ATP6V1G3: variants seen among roughly 807,000 people sequenced by gnomAD.
ATP6V1G3 encodes the protein V-type proton ATPase subunit G 3.
Under a neutral mutation model 9.3 loss-of-function variants are expected in ATP6V1G3, and 9 were observed. The ratio of observed to expected loss-of-function variants is 0.97; its 90% confidence interval spans 0.59 to 1.69. The LOEUF (loss-of-function observed/expected upper bound fraction) is 1.69. ATP6V1G3 is among the 40% of genes most tolerant of loss of function. The probability of loss-of-function intolerance (pLI) is 0.00; values close to 1 mark genes in which losing one functional copy is unlikely to be tolerated. For missense variants in ATP6V1G3, 133 were observed against 139.0 expected (o/e 0.96, Z 0.22); for synonymous variants, 43 against 43.8 (o/e 0.98, Z 0.07).
chr1:198,527,383 C>T (rs1354057359), intron 2 of ATP6V1G3, among the ~76,000 whole-genome samples: 1 of 151,896 alleles, frequency 6.6e-6, no homozygotes, highest in Non-Finnish European at 1.5e-5. Flanking sequence ...AATTATTAAC[C>T]AAAGCAGAAA....
intron 2 of ATP6V1G3, among the ~76,000 whole-genome samples, chr1:198,528,657 C>G (rs1442135701): frequency 6.6e-6 from 1 of 151,976 alleles, no homozygotes; most frequent in African/African-American, 2.4e-5. Flanking sequence ...GCAACAATAT[C>G]TACTTTGGTC....
chr1:198,535,302 T>G (rs569927024), intron 1 of ATP6V1G3, among the ~76,000 whole-genome samples: 3 of 152,262 alleles, frequency 2.0e-5, no homozygotes, highest in African/African-American at 7.2e-5. Flanking sequence ...TTTATTAGTT[T>G]ATTAAAAGTC....
intron 1 of ATP6V1G3, among the ~76,000 whole-genome samples, chr1:198,532,670 A>C (rs1240544944): frequency 6.6e-6 from 1 of 152,176 alleles, no homozygotes; most frequent in Non-Finnish European, 1.5e-5. Context: ...ACAATATGTG[A>C]ACAGAGGCCT....
intron 1 of ATP6V1G3, among the ~76,000 whole-genome samples, chr1:198,538,732 C>CT (rs371022777): frequency 6.6e-6 from 1 of 151,212 alleles, no homozygotes; most frequent in Non-Finnish European, 1.5e-5. Context: ...GGCGAAACCC[C>CT]GTCTCTACAA....
chr1:198,530,379 AGATT>A (rs1659849328), intron 1 of ATP6V1G3, among the ~76,000 whole-genome samples: 4 of 152,146 alleles, frequency 2.6e-5, no homozygotes, highest in Admixed American at 2.6e-4. Flanking sequence ...ATTTGCACAG[AGATT>A]GTTTCTCAAT....
chr1:198,530,154 AT>A (rs1402375573), intron 1 of ATP6V1G3, among the ~76,000 whole-genome samples: 1 of 152,092 alleles, frequency 6.6e-6, no homozygotes, highest in East Asian at 1.9e-4. Flanking sequence ...TTGTCTTTCA[AT>A]TTCAGTAAAA....
chr1:198,527,359 A>T (rs1659697613), intron 2 of ATP6V1G3, among the ~76,000 whole-genome samples: 1 of 152,038 alleles, frequency 6.6e-6, no homozygotes, highest in South Asian at 2.1e-4. Flanking sequence ...AGAGATGAGG[A>T]GTTTTGATTA....
At chr1:198,532,499 G>A (rs1158921919) in intron 1 of ATP6V1G3, among the ~76,000 whole-genome samples, 1 of 152,138 alleles carries the variant, frequency 6.6e-6, no homozygotes, top group Non-Finnish European at 1.5e-5. Flanking sequence ...CAAACTTTTT[G>A]TTTCATGGAG....
intron 1 of ATP6V1G3, among the ~76,000 whole-genome samples, chr1:198,529,406 T>C (rs777067870): frequency 3.3e-5 from 5 of 151,778 alleles, no homozygotes; most frequent in Non-Finnish European, 7.4e-5. Context: ...AAAATAGATA[T>C]TGAAAATTTT....
At chr1:198,532,606 G>A (rs1343181378) in intron 1 of ATP6V1G3, among the ~76,000 whole-genome samples, 3 of 152,072 alleles carry the variant, frequency 2.0e-5, no homozygotes, top group African/African-American at 4.8e-5. Context: ...GGAGAATAAG[G>A]GGTAAAGAAA....
At chr1:198,527,598 G>C (rs1334989181) in intron 2 of ATP6V1G3, among the ~76,000 whole-genome samples, 1 of 152,066 alleles carries the variant, frequency 6.6e-6, no homozygotes, top group African/African-American at 2.4e-5. Context: ...GGTCCTAATA[G>C]ATCATGGTTA....
chr1:198,534,834 G>A (rs1157731559), intron 1 of ATP6V1G3, among the ~76,000 whole-genome samples: 1 of 152,116 alleles, frequency 6.6e-6, no homozygotes, highest in Non-Finnish European at 1.5e-5. Context: ...TTGGCTTTGG[G>A]CGATTGTCAA....
At chr1:198,526,868 T>G (rs549913697) in intron 2 of ATP6V1G3, among the ~76,000 whole-genome samples, 3 of 152,190 alleles carry the variant, frequency 2.0e-5, no homozygotes, top group Admixed American at 6.6e-5. Flanking sequence ...TTTACTTGTA[T>G]TAACAACATA....
At chr1:198,535,951 A>G (rs1187981778) in intron 1 of ATP6V1G3, among the ~76,000 whole-genome samples, 1 of 152,264 alleles carries the variant, frequency 6.6e-6, no homozygotes, top group Non-Finnish European at 1.5e-5. Flanking sequence ...GACATTTTTA[A>G]TATAGCTATT....
At chr1:198,526,664 TA>T (rs1659665773) in intron 2 of ATP6V1G3, among the ~76,000 whole-genome samples, 1 of 152,138 alleles carries the variant, frequency 6.6e-6, no homozygotes, top group African/African-American at 2.4e-5. Context: ...TGTTCCAGTT[TA>T]AGGTAAAGCA....
At chr1:198,532,884 A>G (rs1356306969) in intron 1 of ATP6V1G3, among the ~76,000 whole-genome samples, 1 of 152,222 alleles carries the variant, frequency 6.6e-6, no homozygotes, top group Non-Finnish European at 1.5e-5. Context: ...AGGAGATGGT[A>G]TTAGAAAGAT....
intron 1 of ATP6V1G3, among the ~76,000 whole-genome samples, chr1:198,531,223 C>T (rs1039130721): frequency 2.0e-5 from 3 of 152,252 alleles, no homozygotes; most frequent in Non-Finnish European, 4.4e-5. Context: ...ATAGACTCAG[C>T]AGCTGCTGCT....
At chr1:198,529,566 C>T (rs1028639692) in intron 1 of ATP6V1G3, among the ~76,000 whole-genome samples, 1 of 152,040 alleles carries the variant, frequency 6.6e-6, no homozygotes, top group Non-Finnish European at 1.5e-5. Context: ...ATTATTTGGT[C>T]AGATTTTCAG....
intron 2 of ATP6V1G3, among the ~76,000 whole-genome samples, chr1:198,527,622 T>C (rs1659707050): frequency 6.6e-6 from 1 of 152,108 alleles, no homozygotes; most frequent in African/African-American, 2.4e-5. Context: ...CAGGATTCAA[T>C]AAGAAAGAAA....
Sources: allele counts gnomAD v4.1 joint callset (sites outside exome capture counted in the v4.1 genomes callset), GRCh38; gene constraint gnomAD v4.1.1; transcripts MANE v1.5; gene names NCBI Gene and HGNC (gene_info 2026-07-23, HGNC 2026-07-21).